The following FOXN3 variants were observed in gnomAD, a reference collection of about 807,000 sequenced individuals.
FOXN3 encodes the protein forkhead box protein N3.
A neutral mutation model predicts 38.4 loss-of-function variants in FOXN3; 7 were observed. That is an observed-to-expected ratio of 0.18 (90% CI 0.10 to 0.34). The LOEUF is 0.34. Among genes scored for constraint, FOXN3 ranks in the 10% least tolerant of loss-of-function variants. The pLI, the probability that FOXN3 is intolerant of heterozygous loss-of-function variation, is 1.00. For missense variants in FOXN3, 456 were observed against 613.4 expected, an observed-to-expected ratio of 0.74 and a Z score of 2.71; for synonymous variants, 230 against 242.2, an observed-to-expected ratio of 0.95 and a Z score of 0.47.
intron 1 of FOXN3, among the ~76,000 whole-genome samples, chr14:89,533,192 A>T (rs1276023750): frequency 1.3e-5 from 2 of 152,186 alleles, no homozygotes; most frequent in African/African-American, 2.4e-5. Context: ...CATTCATGTC[A>T]TGCATGGAGG....
intron 1 of FOXN3, among the ~76,000 whole-genome samples, chr14:89,522,801 A>C (rs1370660383): frequency 6.6e-6 from 1 of 152,064 alleles, no homozygotes; most frequent in Non-Finnish European, 1.5e-5. Context: ...GGAGGCAGAA[A>C]AAAAAAGCAA....
chr14:89,500,266 G>A (rs946234710), intron 1 of FOXN3, among the ~76,000 whole-genome samples: 2 of 152,150 alleles, frequency 1.3e-5, no homozygotes, highest in Non-Finnish European at 1.5e-5. Flanking sequence ...ATGAGCCACC[G>A]TTGTGTGTTT....
At chr14:89,492,039 T>G (rs1893586800) in intron 1 of FOXN3, among the ~76,000 whole-genome samples, 1 of 152,196 alleles carries the variant, frequency 6.6e-6, no homozygotes, top group African/African-American at 2.4e-5. Context: ...ACGTCCTGAC[T>G]GTTGGAAAGG....
At chr14:89,431,705 C>T (rs1206763841) in intron 1 of FOXN3, among the ~76,000 whole-genome samples, 2 of 152,138 alleles carry the variant, frequency 1.3e-5, no homozygotes, top group African/African-American at 4.8e-5. Flanking sequence ...TGCCCCAACA[C>T]AAGCATAGTG....
intron 1 of FOXN3, among the ~76,000 whole-genome samples, chr14:89,554,836 T>G (rs1330444759): frequency 1.5e-5 from 2 of 137,582 alleles, no homozygotes; most frequent in African/African-American, 2.6e-5. Context: ...TTGCCCAGGC[T>G]GGAGTGCAGT....
intron 1 of FOXN3, among the ~76,000 whole-genome samples, chr14:89,547,768 C>T (rs1894915038): frequency 6.6e-6 from 1 of 152,184 alleles, no homozygotes; most frequent in South Asian, 2.1e-4. Context: ...CTGACCAGCA[C>T]CAAGGCTGGT....
intron 4 of FOXN3, among the ~76,000 whole-genome samples, chr14:89,276,970 C>A (rs1210769846): frequency 6.6e-6 from 1 of 152,046 alleles, no homozygotes; most frequent in Non-Finnish European, 1.5e-5. Flanking sequence ...CCATCAGAGA[C>A]CAGATGAAGG....
rs1205480341 is a variant in FOXN3 at position 89,161,854 on chromosome 14, G to A, written c.*560C>T. ...GTGTGACAATTCCAGTGGCTTTCCT[G>A]GCACCATCAGATGCCTGGTGCCACA... On this transcript the variant is annotated 3_prime_UTR_variant, in exon 6 of 6. Transcript: ENST00000557258. 6.6e-6 allele frequency: 1 copy of A among 152,190 alleles called. No homozygotes were observed. The highest frequency in any genetic ancestry group is 1.5e-5 in the Non-Finnish European group (1 of 68,114). 9.4% of individuals were successfully genotyped at this position (152,190 alleles called of 1,614,324 possible).
rs538416217 is a variant in FOXN3 at position 89,318,162 on chromosome 14, C to CTCTTTT, written c.680+32509_680+32510insAAAAGA. On this transcript the variant is annotated intron_variant, in intron 3 of 5. Transcript: ENST00000557258. Reference sequence around the variant, plus strand: ...TTCTTTTCTTTCTTCTTCTTCTTCTCTTTTTTTTTTTTTGAGGCGGAGTTT... The same window carrying CTCTTTT: ...TTCTTTTCTTTCTTCTTCTTCTTCTCTCTTTTTTTTTTTTTTTTTGAGGCGGAGTTT... 8.4e-3 allele frequency among the ~76,000 whole-genome samples: 1,069 copies of CTCTTTT among 127,472 alleles called. 9 individuals carry two copies. The highest frequency in any genetic ancestry group is 0.014 in the Non-Finnish European group (862 of 63,514). 83.6% of individuals were successfully genotyped at this position (127,472 alleles called of 152,430 possible).
chr14:89,276,172 G>T (rs1016009770), intron 4 of FOXN3, among the ~76,000 whole-genome samples: 1 of 152,108 alleles, frequency 6.6e-6, no homozygotes, highest in African/African-American at 2.4e-5. Context: ...CCAGCTACTT[G>T]GAAGGCTGAG....
chr14:89,278,778 A>ATGTG (rs1886374740), intron 4 of FOXN3, among the ~76,000 whole-genome samples: 1 of 152,186 alleles, frequency 6.6e-6, no homozygotes, highest in Admixed American at 6.5e-5. Context: ...ATAGGGAAAA[A>ATGTG]CGAGGGATGT....
chr14:89,277,602 T>C (rs1555414528), intron 4 of FOXN3, among the ~76,000 whole-genome samples: 1 of 152,136 alleles, frequency 6.6e-6, no homozygotes, highest in Non-Finnish European at 1.5e-5. Flanking sequence ...TGAACCAAAA[T>C]ACAGGCACCC....
At chr14:89,604,922 G>C (rs1018890030) in intron 1 of FOXN3, among the ~76,000 whole-genome samples, 11 of 152,056 alleles carry the variant, frequency 7.2e-5, no homozygotes, top group African/African-American at 2.7e-4. Flanking sequence ...CTTTATACCT[G>C]GCAAAAATAT....
intron 3 of FOXN3, among the ~76,000 whole-genome samples, chr14:89,324,967 C>T (rs1042652377): frequency 6.6e-6 from 1 of 152,180 alleles, no homozygotes; most frequent in Non-Finnish European, 1.5e-5. Flanking sequence ...CATAGCAAGG[C>T]TCTAGGGTGG....
chr14:89,555,892 T>TGTGTGTGTGTGTGG (rs1895113789), intron 1 of FOXN3, among the ~76,000 whole-genome samples: 1 of 121,936 alleles, frequency 8.2e-6, no homozygotes, highest in Non-Finnish European at 1.9e-5. Context: ...GGGGTGTATG[T>TGTGTGTGTGTGTGG]GGGGGTGTGT....
In FOXN3 at chr14:89,175,554, C is replaced by T. The variant is rs541068921; in HGVS notation, c.851+5147G>A. On this transcript the variant is annotated intron_variant, in intron 5 of 5. Coordinates refer to ENST00000557258, the MANE Select transcript of FOXN3 (RefSeq NM_005197.4). ...ACACCTACAGAATGCTGACTATGTG[C>T]TGGGCACACAGCTGTGTGTGAATCC... Among the ~76,000 whole-genome samples the T allele has an allele frequency of 2.0e-5, 3 of 152,294 alleles. No homozygotes were observed. In the South Asian group the frequency reaches 6.2e-4, roughly 32 times the overall value.
intron 1 of FOXN3, among the ~76,000 whole-genome samples, chr14:89,437,154 C>T (rs1892290511): frequency 6.8e-6 from 1 of 147,462 alleles, no homozygotes; most frequent in South Asian, 2.1e-4. Flanking sequence ...GTCTGGGCAA[C>T]AAAGAGCAAA....
At chr14:89,478,855 C>A (rs1893264776) in intron 1 of FOXN3, among the ~76,000 whole-genome samples, 1 of 132,402 alleles carries the variant, frequency 7.6e-6, no homozygotes, top group African/African-American at 2.8e-5. Flanking sequence ...TCGCTTCAAC[C>A]CAGGAGGCGG....
chr14:89,296,084 G>A (rs1167140415), intron 3 of FOXN3, among the ~76,000 whole-genome samples: 2 of 152,090 alleles, frequency 1.3e-5, no homozygotes, highest in East Asian at 1.9e-4. Context: ...TCTTTTCTGT[G>A]ATTTCTTGAT....
Sources: allele counts gnomAD v4.1 joint callset (sites outside exome capture counted in the v4.1 genomes callset), GRCh38; gene constraint gnomAD v4.1.1; transcripts MANE v1.5; gene names NCBI Gene and HGNC (gene_info 2026-07-23, HGNC 2026-07-21).